UMAD1: variants seen among roughly 807,000 people sequenced by gnomAD.
The protein encoded by UMAD1 is UBAP1-MVB12-associated (UMA) domain containing 1.
A neutral mutation model predicts 6.1 loss-of-function variants in UMAD1; 8 were observed. The ratio of observed to expected loss-of-function variants is 1.30; its 90% CI spans 0.76 to 2.35. The LOEUF (loss-of-function observed/expected upper bound fraction) is 2.35. Ranked by LOEUF, UMAD1 falls within the 30% of genes most tolerant of loss-of-function variation. The pLI is 0.00. For missense variants in UMAD1, 130 were observed against 78.4 expected, an observed-to-expected ratio of 1.66 and a Z score of -2.49; for synonymous variants, 56 against 31.4, an observed-to-expected ratio of 1.78 and a Z score of -2.61.
intron 1 of UMAD1, among the ~76,000 whole-genome samples, chr7:7,661,922 C>T (rs555177792): frequency 3.0e-4 from 46 of 152,286 alleles, no homozygotes; most frequent in African/African-American, 1.0e-3. Context: ...CCCCTTCCCC[C>T]GAGGTGCTCT....
chr7:7,796,930 G>A, intron 2 of UMAD1, among the ~76,000 whole-genome samples: 1 of 152,112 alleles, frequency 6.6e-6, no homozygotes. Flanking sequence ...CTCCTCATTT[G>A]GTGGCCCTAA....
intron 3 of UMAD1, among the ~76,000 whole-genome samples, chr7:7,849,406 G>A (rs1312859337): frequency 6.6e-6 from 1 of 152,148 alleles, no homozygotes; most frequent in Non-Finnish European, 1.5e-5. Context: ...GTTCAACACA[G>A]TTCACTATAA....
intron 1 of UMAD1, among the ~76,000 whole-genome samples, chr7:7,649,933 G>A (rs1785187463): frequency 6.6e-6 from 1 of 152,156 alleles, no homozygotes; most frequent in Non-Finnish European, 1.5e-5. Flanking sequence ...CCAGAAAGTG[G>A]GCATTCATCA....
At chr7:7,647,668 C>T (rs148478311) in intron 1 of UMAD1, among the ~76,000 whole-genome samples, 5 of 152,134 alleles carry the variant, frequency 3.3e-5, no homozygotes, top group Non-Finnish European at 7.3e-5. Context: ...ACTGCAGTGG[C>T]GTGATTGTGG....
chr7:7,864,510 G>T (rs10270850), intron 3 of UMAD1, among the ~76,000 whole-genome samples: 63,657 of 150,882 alleles, frequency 0.42, 14,289 homozygotes, highest in African/African-American at 0.54. Context: ...ACGCAGACAC[G>T]CCAGTTCTTC....
intron 2 of UMAD1, among the ~76,000 whole-genome samples, chr7:7,684,851 A>G (rs796541645): frequency 6.6e-5 from 10 of 152,328 alleles, no homozygotes; most frequent in African/African-American, 2.2e-4. Context: ...ATTTGGGGGT[A>G]GTTGACTGTT....
chr7:7,855,610 G>A (rs564305688), intron 3 of UMAD1, among the ~76,000 whole-genome samples: 8 of 152,342 alleles, frequency 5.3e-5, no homozygotes, highest in South Asian at 2.1e-4. Context: ...CCAGGAAACC[G>A]TCTTTTCCTC....
chr7:7,709,002 G>A (rs1353286210), intron 2 of UMAD1, among the ~76,000 whole-genome samples: 2 of 151,926 alleles, frequency 1.3e-5, no homozygotes, highest in Non-Finnish European at 2.9e-5. Context: ...AGGAAAAGAG[G>A]AGAGGAGGAG....
intron 1 of UMAD1, among the ~76,000 whole-genome samples, chr7:7,656,058 C>T (rs973961337): frequency 6.6e-6 from 1 of 152,142 alleles, no homozygotes; most frequent in Non-Finnish European, 1.5e-5. Context: ...TGGTCTCAAA[C>T]TCTCAACCTC....
rs115476306 is a variant in UMAD1 at position 7,694,217 on chromosome 7, C to T, written c.82+20764C>T. Among the ~76,000 whole-genome samples, 887 of 151,994 alleles carry T rather than the reference C, an allele frequency of 5.8e-3. 11 individuals are homozygous for T. Among genetic ancestry groups the T allele is most frequent in the African/African-American group, 0.02 (842 of 41,460 alleles). ...TGATAATTGAGTATCTTTTCTTGTA[C>T]TTATTGGTAACTTTTTATTTTTAAT... On this transcript the variant is annotated intron_variant, in intron 2 of 3. Transcript: ENST00000682710.
chr7:7,781,451 G>A (rs1782342836), intron 2 of UMAD1, among the ~76,000 whole-genome samples: 1 of 151,404 alleles, frequency 6.6e-6, no homozygotes, highest in Non-Finnish European at 1.5e-5. Flanking sequence ...TGCATTGCTG[G>A]CATTTTCTTT....
chr7:7,793,203 G>A (rs970153762), intron 2 of UMAD1, among the ~76,000 whole-genome samples: 2 of 152,112 alleles, frequency 1.3e-5, no homozygotes, highest in Admixed American at 6.5e-5. Context: ...CTTTATAACA[G>A]CCTTAGTATG....
chr7:7,714,988 T>G (rs1408915612), intron 2 of UMAD1, among the ~76,000 whole-genome samples: 1 of 152,058 alleles, frequency 6.6e-6, no homozygotes, highest in Non-Finnish European at 1.5e-5. Context: ...GGAATTACAG[T>G]TGCCATAGGC....
At chr7:7,644,153 G>A (rs1785041279) in intron 1 of UMAD1, among the ~76,000 whole-genome samples, 2 of 152,006 alleles carry the variant, frequency 1.3e-5, no homozygotes, top group South Asian at 4.1e-4. Context: ...TTTTTTTGTC[G>A]TGACCCTAAT....
At chr7:7,832,929 G>A (rs1783492729) in intron 3 of UMAD1, among the ~76,000 whole-genome samples, 1 of 150,696 alleles carries the variant, frequency 6.6e-6, no homozygotes, top group Admixed American at 6.6e-5. Flanking sequence ...TTCATAGACA[G>A]GGGGGAACGT....
intron 2 of UMAD1, among the ~76,000 whole-genome samples, chr7:7,688,610 A>T (rs1213943746): frequency 6.6e-6 from 1 of 152,004 alleles, no homozygotes; most frequent in East Asian, 1.9e-4. Flanking sequence ...TCTCTTTTTG[A>T]TCTCATGTTG....
At chr7:7,742,257 T>C in intron 2 of UMAD1, 2 of 668,202 alleles carry the variant, frequency 3.0e-6, no homozygotes, top group South Asian at 1.4e-5. Flanking sequence ...ACATCCACAG[T>C]GAACACAAGC....
At chr7:7,795,152 A>G (rs1261319803) in intron 2 of UMAD1, among the ~76,000 whole-genome samples, 1 of 152,226 alleles carries the variant, frequency 6.6e-6, no homozygotes, top group Non-Finnish European at 1.5e-5. Flanking sequence ...TCTCTAAAAT[A>G]TATAAAACCA....
At chr7:7,690,922 T>G (rs1001515810) in intron 2 of UMAD1, among the ~76,000 whole-genome samples, 1 of 152,186 alleles carries the variant, frequency 6.6e-6, no homozygotes, top group African/African-American at 2.4e-5. Flanking sequence ...ATTTTAATGT[T>G]TTAGGTCCAG....
Sources: allele counts gnomAD v4.1 joint callset (sites outside exome capture counted in the v4.1 genomes callset), GRCh38; gene constraint gnomAD v4.1.1; transcripts MANE v1.5; gene names NCBI Gene and HGNC (gene_info 2026-07-23, HGNC 2026-07-21).